DNAH2: variants seen among roughly 807,000 people sequenced by gnomAD.
DNAH2 encodes dynein axonemal heavy chain 2, also known as axonemal beta dynein heavy chain 2.
In DNAH2, 323 loss-of-function variants were observed where a neutral mutation model predicts 523.5. That is an observed-to-expected ratio of 0.62 (90% CI 0.56 to 0.68). DNAH2 has a LOEUF of 0.68. Ranked by LOEUF, DNAH2 falls within the 30% of genes least tolerant of loss-of-function variation. The pLI is 0.00. For synonymous variants in DNAH2, 2,093 were observed against 2,177.4 expected, an observed-to-expected ratio of 0.96 and a Z score of 1.08; for missense variants, 4,907 against 5,701.5, an observed-to-expected ratio of 0.86 and a Z score of 4.49.
intron 12 of DNAH2, among the ~76,000 whole-genome samples, chr17:7,750,944 A>G (rs1363468130): frequency 6.6e-6 from 1 of 152,172 alleles, no homozygotes; most frequent in African/African-American, 2.4e-5. Flanking sequence ...CAGTGTAGAA[A>G]AGACTAAAAA....
intron 63 of DNAH2, among the ~76,000 whole-genome samples, chr17:7,814,500 TA>T (rs1180890300): frequency 6.6e-6 from 1 of 152,184 alleles, no homozygotes; most frequent in African/African-American, 2.4e-5. Context: ...TAGCATACTT[TA>T]AAAATAGAGG....
At chr17:7,756,605 A>G (rs1233353772) in intron 12 of DNAH2, among the ~76,000 whole-genome samples, 4 of 152,096 alleles carry the variant, frequency 2.6e-5, no homozygotes, top group Non-Finnish European at 5.9e-5. Context: ...TTGATCCAAC[A>G]TTCCCCAAAT....
chr17:7,762,398 C>T (rs2076031565), intron 18 of DNAH2, among the ~76,000 whole-genome samples: 1 of 149,404 alleles, frequency 6.7e-6, no homozygotes, highest in African/African-American at 2.5e-5. Context: ...TGCAATGGCG[C>T]CATCTCTGCT....
At chr17:7,750,935 A>G (rs2075664293) in intron 12 of DNAH2, among the ~76,000 whole-genome samples, 1 of 152,152 alleles carries the variant, frequency 6.6e-6, no homozygotes, top group East Asian at 1.9e-4. Flanking sequence ...TTGTTAATTC[A>G]GTGTAGAAAA....
chr17:7,768,673 T>A (rs1040625311), intron 24 of DNAH2, among the ~76,000 whole-genome samples: 16 of 152,178 alleles, frequency 1.1e-4, no homozygotes, highest in African/African-American at 3.9e-4. Flanking sequence ...TTTGTGTCCT[T>A]TGACCAACAC....
At chr17:7,752,749 A>G (rs965550801) in intron 12 of DNAH2, among the ~76,000 whole-genome samples, 10 of 152,200 alleles carry the variant, frequency 6.6e-5, no homozygotes, top group African/African-American at 2.4e-4. Context: ...TAACTAACAA[A>G]TCATTATAAA....
chr17:7,739,789 T>G lies in DNAH2; in HGVS notation c.1227T>G (p.Leu409=), dbSNP rs371573383. The G allele has an allele frequency of 6.2e-7, 1 of 1,613,882 alleles. No individual in the cohort carries two copies. Among genetic ancestry groups the G allele is most frequent in the African/African-American group, 1.3e-5 (1 of 74,910 alleles). The change falls in exon 9 of 86, where the codon CTT becomes CTG. Residue 409 remains leucine, a synonymous_variant. Coordinates refer to ENST00000572933, the MANE Select transcript of DNAH2 (RefSeq NM_020877.5). ...ARWEDGKQGP[L]PCFFGAQGPQ... ...GGGAAGATGGCAAGCAGGGTCCCCT[T>G]CCTTGCTTCTTTGGTGCCCAGGGGC...
At chr17:7,748,807 A>ATTTTT (rs762032878) in intron 12 of DNAH2, among the ~76,000 whole-genome samples, 1 of 143,508 alleles carries the variant, frequency 7.0e-6, no homozygotes, top group African/African-American at 2.5e-5. Flanking sequence ...CGCCACACAG[A>ATTTTT]TTTTTTTTTT....
Position 7,759,514 on chromosome 17 carries a change from A to G in DNAH2, c.2541A>G (p.Leu847=), listed in dbSNP as rs993856012. 1.2e-6 allele frequency: 2 copies of G among 1,614,158 alleles called. No homozygotes were observed. Among genetic ancestry groups the G allele is most frequent in the South Asian group, 2.2e-5 (2 of 91,082 alleles). ...ATGTGAAGTGGTCACTGCTAGAACT[A>G]TCCAAGGCTATCAACGGGGATGGAA... is the stretch of plus-strand genomic sequence containing the variant. The part of the protein sequence containing the change: ...RLNVKWSLLE[L]SKAINGDGKT... Residue 847 remains leucine, a synonymous_variant, in exon 16 of 86, where the codon CTA becomes CTG. Coordinates refer to ENST00000572933, the MANE Select transcript of DNAH2 (RefSeq NM_020877.5).
intron 48 of DNAH2, 68 bp downstream of exon 48, chr17:7,793,273 C>A (rs1454768199): frequency 4.6e-6 from 7 of 1,520,814 alleles, no homozygotes; most frequent in Non-Finnish European, 6.2e-6. Flanking sequence ...CCCCACTCCA[C>A]TGGGGCCCCA....
In DNAH2 at chr17:7,754,711, G is replaced by T. The variant is rs307624; in HGVS notation, c.1905-2380G>T. The T allele has an allele frequency of 0.64, 747,082 of 1,170,538 alleles. 243,423 individuals carry two copies. Among genetic ancestry groups the T allele is most frequent in the East Asian group, 0.88 (37,529 of 42,582 alleles). 72.5% of individuals were successfully genotyped at this position (1,170,538 alleles called of 1,614,324 possible). On this transcript the variant is annotated intron_variant, in intron 12 of 85. Transcript: ENST00000572933. The surrounding 1 kb of genome is among the most constrained non-coding windows in gnomAD (Gnocchi z 4.6). ...CACCCCAACCTTGGGAAGCTTGCTC[G>T]TGCCCGCATGGCCAAGGGGCTCAGG...
rs746570114 is a variant in DNAH2, at chr17:7,778,407, G to T, written c.5479G>T (p.Val1827Phe). ...GKALGIYVIVVNCSEGLDYKS... is the reference protein window; with the variant it reads ...GKALGIYVIVFNCSEGLDYKS... ...GGCCCTGGGCATATATGTCATTGTG[G>T]TCAACTGCTCTGAGGGCCTGGACTA... Residue 1827 changes from valine (V) to phenylalanine (F), a missense_variant, in exon 35 of 86, where the codon GTC becomes TTC. Around this residue, in one of 3 missense-constraint regions of DNAH2, gnomAD observed 2,806 missense variants for 3,190.8 expected, o/e 0.88. Transcript: ENST00000572933. The T allele has an allele frequency of 3.7e-6, 6 of 1,614,226 alleles. No individual in the cohort carries two copies. In the South Asian group the frequency reaches 6.6e-5, roughly 18 times the overall value.
intron 63 of DNAH2, among the ~76,000 whole-genome samples, chr17:7,812,793 A>G (rs2077552994): frequency 6.8e-6 from 1 of 147,814 alleles, no homozygotes; most frequent in Non-Finnish European, 1.5e-5. Flanking sequence ...AAAAAAAAAA[A>G]AAAGCTGGGC....
At chr17:7,727,581 C>T (rs1044549544) in intron 4 of DNAH2, among the ~76,000 whole-genome samples, 2 of 151,908 alleles carry the variant, frequency 1.3e-5, no homozygotes, top group African/African-American at 2.4e-5. Context: ...CATGGTGAAA[C>T]CCCATCTCTA....
rs1050803874 is a variant in DNAH2, at chr17:7,833,676, T to C, written c.*143T>C. ...GTGATGTGGCCCTGGAGATACCTAG[T>C]TGTGTTAGCCATAAAAGTGAAAGAG... On this transcript the variant is annotated 3_prime_UTR_variant, in exon 86 of 86. Coordinates refer to ENST00000572933, the MANE Select transcript of DNAH2 (RefSeq NM_020877.5). The C allele has an allele frequency of 8.0e-6, 9 of 1,128,394 alleles. No homozygotes were observed. Among genetic ancestry groups the C allele is most frequent in the East Asian group, 5.1e-5 (2 of 39,492 alleles). The allele number at this position is 1,128,394 out of a possible 1,614,324, so 69.9% of individuals were successfully genotyped here. A position where few individuals can be genotyped will look rare whatever the true frequency, so the allele number is the denominator to read the frequency against.
chr17:7,824,774 C>T, intron 77 of DNAH2, 47 bp downstream of exon 77: 4 of 1,389,384 alleles, frequency 2.9e-6, no homozygotes, highest in Non-Finnish European at 2.9e-6. Flanking sequence ...TCTGGTCCAC[C>T]TTACCTCCTG....
chr17:7,817,780 C>G lies in DNAH2; in HGVS notation c.10170-10C>G. 6.2e-7 allele frequency: 1 copy of G among 1,614,066 alleles called. No homozygotes were observed. Among genetic ancestry groups the G allele is most frequent in the Non-Finnish European group, 8.5e-7 (1 of 1,180,018 alleles). ...GAGGGCCTCACCTCTGACCTGTACT[C>G]CCCTTCCAGGTGGGCACTGATGATC... On this transcript the variant is annotated splice_polypyrimidine_tract_variant and intron_variant, in intron 66 of 85. Transcript: ENST00000572933.
chr17:7,723,666 T>C lies in DNAH2; in HGVS notation c.205T>C (p.Ser69Pro). 6.2e-7 allele frequency: 1 copy of C among 1,614,034 alleles called. No homozygotes were observed. The highest frequency in any genetic ancestry group is 8.5e-7 in the Non-Finnish European group (1 of 1,179,974). The change falls in exon 3 of 86, where the codon TCA (serine) becomes CCA (proline). Residue 69 changes from serine to proline, a missense_variant. Physicochemically the swap from Ser to Pro is moderately conservative, Grantham distance 74. Transcript: ENST00000572933. ...LEGPQAQSEE[S>P]VEPEADVKPL... is the part of the protein sequence containing the mutation. The stretch of plus-strand genomic sequence containing the variant: ...GGGACCTCAAGCACAGAGTGAAGAA[T>C]CAGTGGAGCCCGAGGCAGATGTGGT...
At chr17:7,737,334 G>C in intron 8 of DNAH2, 76 bp downstream of exon 8, 1 of 1,470,698 alleles carries the variant, frequency 6.8e-7, no homozygotes, top group Non-Finnish European at 9.4e-7. Flanking sequence ...GAATGCATTC[G>C]GCAGAGGATC....
Sources: allele counts gnomAD v4.1 joint callset (sites outside exome capture counted in the v4.1 genomes callset), GRCh38; gene constraint gnomAD v4.1.1; regional missense constraint gnomAD v4.1.1; non-coding constraint Gnocchi (gnomAD v3.1); transcripts MANE v1.5; gene names NCBI Gene and HGNC (gene_info 2026-07-23, HGNC 2026-07-21).